MBNL1: variants seen among roughly 807,000 people sequenced by gnomAD.
MBNL1 encodes the protein muscleblind like splicing regulator 1, also known as muscleblind-like protein 1.
Under a neutral mutation model 42.2 loss-of-function variants are expected in MBNL1, and 8 were observed. The observed-to-expected ratio is 0.19, with a 90% CI of 0.11 to 0.34. The LOEUF (loss-of-function observed/expected upper bound fraction) is 0.34, where lower values mean the gene tolerates loss of function less well. MBNL1 is among the 10% of genes least tolerant of loss of function. The probability of loss-of-function intolerance (pLI) is 1.00; values close to 1 mark genes in which losing one functional copy is unlikely to be tolerated. For missense variants in MBNL1, 309 were observed against 495.3 expected (o/e 0.62, Z 3.57); for synonymous variants, 169 against 173.9 (o/e 0.97, Z 0.22).
chr3:152,445,473 C>T lies in MBNL1; in HGVS notation c.741C>T (p.Ile247=). 3 of 1,612,052 alleles carry T rather than the reference C, an allele frequency of 1.9e-6. No individual in the cohort carries two copies. Among genetic ancestry groups the T allele is most frequent in the Non-Finnish European group, 2.5e-6 (3 of 1,178,664 alleles). ...CCCCTGCACATTTGCAAGCCAAGATCAAGGCTGCCCAATACCAGGTCAACC... is the reference window on the plus strand; with the variant it reads ...CCCCTGCACATTTGCAAGCCAAGATTAAGGCTGCCCAATACCAGGTCAACC... ...FHPPAHLQAK[I]KAAQYQVNQA... Residue 247 remains isoleucine (I), a synonymous_variant, in exon 5 of 10, where the codon ATC becomes ATT. Transcript: ENST00000324210.
intron 1 of MBNL1, among the ~76,000 whole-genome samples, chr3:152,295,577 ACTGGACCT>A (rs2058211295): frequency 6.6e-6 from 1 of 152,082 alleles, no homozygotes; most frequent in Non-Finnish European, 1.5e-5. Flanking sequence ...GATGGAAGAC[ACTGGACCT>A]ACACCCTGTT....
chr3:152,365,557 C>T (rs2096301974), intron 2 of MBNL1, among the ~76,000 whole-genome samples: 1 of 152,030 alleles, frequency 6.6e-6, no homozygotes, highest in African/African-American at 2.4e-5. Context: ...AAAGGATGTA[C>T]TAGAGGTTAA....
chr3:152,333,721 A>G (rs903164946), intron 2 of MBNL1, among the ~76,000 whole-genome samples: 2 of 152,238 alleles, frequency 1.3e-5, no homozygotes, highest in African/African-American at 4.8e-5. Flanking sequence ...GTGGAATTTC[A>G]GGGCACACAA....
At position 152,327,815 on chromosome 3, in the gene MBNL1, A is replaced by AT. The variant is rs893206005; in HGVS notation, c.174+27457dup. Among the ~76,000 whole-genome samples, 198 of 150,762 alleles carry AT rather than the reference A, an allele frequency of 1.3e-3. 1 individual carries two copies. Among genetic ancestry groups the AT allele is most frequent in the African/African-American group, 4.3e-3 (178 of 41,170 alleles). The stretch of plus-strand genomic sequence containing the variant: ...TGCTACTATATAGTCATATAGTAGC[A>AT]TTTTTTTTTATAGCTTTCTTTGGAG... On this transcript the variant is annotated intron_variant, in intron 2 of 9. Transcript: ENST00000324210.
chr3:152,380,870 C>A (rs542526694), intron 2 of MBNL1, among the ~76,000 whole-genome samples: 2 of 151,938 alleles, frequency 1.3e-5, no homozygotes, highest in African/African-American at 4.8e-5. Context: ...TCTGAATAAT[C>A]GAACTATTCA....
At chr3:152,433,273 G>A (rs2099030476) in intron 4 of MBNL1, among the ~76,000 whole-genome samples, 1 of 152,030 alleles carries the variant, frequency 6.6e-6, no homozygotes, top group Non-Finnish European at 1.5e-5. Flanking sequence ...GTTTGTTGTT[G>A]TTGTTGTTGT....
chr3:152,264,177 C>T (rs1337055792), upstream of MBNL1: 1 of 151,848 alleles, frequency 6.6e-6, no homozygotes, highest in Non-Finnish European at 1.5e-5. Flanking sequence ...GCTTGTCTCC[C>T]CCTAGTAGAA....
chr3:152,461,105 G>A (rs1744979969), intron 9 of MBNL1, among the ~76,000 whole-genome samples: 1 of 152,142 alleles, frequency 6.6e-6, no homozygotes, highest in East Asian at 1.9e-4. Context: ...TGCCAAGTCA[G>A]GAAACGATGA....
intron 6 of MBNL1, among the ~76,000 whole-genome samples, chr3:152,449,894 C>T (rs1183643646): frequency 6.6e-6 from 1 of 152,030 alleles, no homozygotes; most frequent in Non-Finnish European, 1.5e-5. Flanking sequence ...CACTTGAGGT[C>T]AGGAGTTTGA....
chr3:152,411,814 T>C (rs944557689), intron 2 of MBNL1, among the ~76,000 whole-genome samples: 3 of 152,218 alleles, frequency 2.0e-5, no homozygotes, highest in Non-Finnish European at 4.4e-5. Flanking sequence ...CTTTTTTTCT[T>C]TTATGTGGCT....
chr3:152,338,691 C>T (rs917886346), intron 2 of MBNL1: 7 of 985,276 alleles, frequency 7.1e-6, no homozygotes, highest in Non-Finnish European at 8.4e-6. Flanking sequence ...TCTGATTTCT[C>T]TAGGAAGCCG....
chr3:152,443,942 CCTT>C (rs897365595), intron 4 of MBNL1, among the ~76,000 whole-genome samples: 3 of 152,036 alleles, frequency 2.0e-5, no homozygotes, highest in African/African-American at 7.2e-5. Flanking sequence ...TATAGTATCT[CCTT>C]CTTTAAGAAA....
At chr3:152,291,355 A>G (rs1463957792) in intron 1 of MBNL1, among the ~76,000 whole-genome samples, 2 of 152,154 alleles carry the variant, frequency 1.3e-5, no homozygotes, top group African/African-American at 4.8e-5. Flanking sequence ...CCATGGCTCA[A>G]AATATCTTTC....
chr3:152,447,668 G>GA lies in MBNL1; in HGVS notation c.862dup (p.Thr288AsnfsTer9). 6.2e-7 allele frequency: 1 copy of GA among 1,613,756 alleles called. No individual in the cohort carries two copies. The highest frequency in any genetic ancestry group is 8.5e-7 in the Non-Finnish European group (1 of 1,179,794). On this transcript the variant is annotated frameshift_variant, in exon 6 of 10. Transcript: ENST00000324210. LOFTEE classifies it high-confidence loss of function. ...CCCATTACCAAAGAGGCCTGCTCTT[G>GA]AAAAAACCAACGGTGCCACCGCAGT...
intron 2 of MBNL1, among the ~76,000 whole-genome samples, chr3:152,261,627 T>C (rs1245896996): frequency 1.3e-5 from 2 of 152,130 alleles, no homozygotes; most frequent in Admixed American, 1.3e-4. Flanking sequence ...GAGAGAGAGT[T>C]GCAAGGCCAG....
chr3:152,293,557 G>T (rs1344466365), intron 1 of MBNL1, among the ~76,000 whole-genome samples: 1 of 152,128 alleles, frequency 6.6e-6, no homozygotes, highest in East Asian at 1.9e-4. Flanking sequence ...TGGGCAAGGG[G>T]TTCTTTCTTA....
intron 2 of MBNL1, among the ~76,000 whole-genome samples, chr3:152,315,704 C>A (rs2070502018): frequency 6.6e-6 from 1 of 152,076 alleles, no homozygotes; most frequent in South Asian, 2.1e-4. Flanking sequence ...ATGAATGTTA[C>A]CTTTTGTTTT....
intron 2 of MBNL1, among the ~76,000 whole-genome samples, chr3:152,310,325 A>G (rs940858478): frequency 6.6e-6 from 1 of 152,218 alleles, no homozygotes; most frequent in Non-Finnish European, 1.5e-5. Flanking sequence ...TGATTATATA[A>G]ACTAAAGAAG....
intron 2 of MBNL1, among the ~76,000 whole-genome samples, chr3:152,372,762 G>A (rs1377300081): frequency 6.6e-6 from 1 of 152,220 alleles, no homozygotes. Flanking sequence ...CTCCCAGTCA[G>A]GAGGCACAGG....
Sources: allele counts gnomAD v4.1 joint callset (sites outside exome capture counted in the v4.1 genomes callset), GRCh38; gene constraint gnomAD v4.1.1; transcripts MANE v1.5; gene names NCBI Gene and HGNC (gene_info 2026-07-23, HGNC 2026-07-21).